Variants in CSGALNACT1 observed in about 807,000 individuals in gnomAD.
The protein encoded by CSGALNACT1 is chondroitin sulfate N-acetylgalactosaminyltransferase 1, also known as beta4GalNAcT-1.
Under a neutral mutation model 51.0 loss-of-function variants are expected in CSGALNACT1, and 52 were observed. The observed-to-expected ratio is 1.02, with a 90% CI of 0.82 to 1.29. The LOEUF is 1.29. Ranked by LOEUF, CSGALNACT1 falls within the 50% of genes most tolerant of loss-of-function variation. The pLI, the probability that CSGALNACT1 is intolerant of heterozygous loss-of-function variation, is 0.00. For synonymous variants in CSGALNACT1, 341 were observed against 254.4 expected (o/e 1.34, Z -3.24); for missense variants, 935 against 679.2 (o/e 1.38, Z -4.19).
chr8:19,737,797 G>A (rs1174311476), intron 1 of CSGALNACT1, among the ~76,000 whole-genome samples: 1 of 152,036 alleles, frequency 6.6e-6, no homozygotes, highest in African/African-American at 2.4e-5. Flanking sequence ...CAAAATAAAA[G>A]GATACACAAA....
intron 1 of CSGALNACT1, among the ~76,000 whole-genome samples, chr8:19,614,973 G>A (rs868518313): frequency 1.3e-5 from 2 of 152,192 alleles, no homozygotes; most frequent in South Asian, 2.1e-4. Context: ...AACAAGTGTT[G>A]AAGTATCCAA....
chr8:19,584,189 G>T (rs78648402), intron 3 of CSGALNACT1, among the ~76,000 whole-genome samples: 1 of 152,188 alleles, frequency 6.6e-6, no homozygotes, highest in Non-Finnish European at 1.5e-5. Flanking sequence ...TCTGCAGAAC[G>T]TAATAGTCTA....
chr8:19,559,298 C>T (rs1002708944), intron 3 of CSGALNACT1, among the ~76,000 whole-genome samples: 1 of 152,122 alleles, frequency 6.6e-6, no homozygotes, highest in Non-Finnish European at 1.5e-5. Flanking sequence ...TGATTTAAAA[C>T]TCTTAGAGAA....
intron 4 of CSGALNACT1, among the ~76,000 whole-genome samples, chr8:19,482,643 T>C (rs1382450560): frequency 6.6e-6 from 1 of 152,176 alleles, no homozygotes; most frequent in Non-Finnish European, 1.5e-5. Context: ...ATAATTTCCA[T>C]CACGGGTGCC....
rs919725742 is a variant in CSGALNACT1 at position 19,423,102 on chromosome 8, G to A, written c.954-2584C>T. On this transcript the variant is annotated intron_variant, in intron 6 of 9. Coordinates refer to ENST00000454498, the Ensembl canonical transcript of CSGALNACT1. ...GGTACCTTCTCCAGGAGGGTTTCTA[G>A]GATCTACTACAGGAGAGTTCAACTA... is the stretch of plus-strand genomic sequence containing the variant. Among the ~76,000 whole-genome samples the A allele has an allele frequency of 5.9e-5, 9 of 152,248 alleles. No individual in the cohort carries two copies. In the South Asian group the frequency reaches 1.0e-3, roughly 18 times the overall value.
intron 4 of CSGALNACT1, among the ~76,000 whole-genome samples, chr8:19,467,197 G>A (rs945284936): frequency 7.3e-6 from 1 of 136,114 alleles, no homozygotes; most frequent in Admixed American, 8.5e-5. Context: ...TCGGCTCACT[G>A]CAAGCTCTGA....
chr8:19,508,995 G>C (rs551352288), intron 3 of CSGALNACT1, among the ~76,000 whole-genome samples: 1 of 152,114 alleles, frequency 6.6e-6, no homozygotes, highest in Non-Finnish European at 1.5e-5. Flanking sequence ...AAGAAAAAGT[G>C]GAAAAGACAG....
chr8:19,725,981 G>A (rs2063379501), intron 1 of CSGALNACT1, among the ~76,000 whole-genome samples: 1 of 152,058 alleles, frequency 6.6e-6, no homozygotes, highest in Non-Finnish European at 1.5e-5. Flanking sequence ...ACAATGACAT[G>A]GAGCCACAAT....
At chr8:19,522,487 A>T (rs148546612) in intron 3 of CSGALNACT1, among the ~76,000 whole-genome samples, 138 of 152,354 alleles carry the variant, frequency 9.1e-4, no homozygotes, top group African/African-American at 3.1e-3. Context: ...TACAGATTCC[A>T]TTAGGGATCC....
At chr8:19,631,062 A>T (rs1023553265) in intron 1 of CSGALNACT1, among the ~76,000 whole-genome samples, 3 of 152,188 alleles carry the variant, frequency 2.0e-5, no homozygotes, top group African/African-American at 2.4e-5. Context: ...GTAACAGACC[A>T]TTTGTATGAC....
chr8:19,557,518 T>C (rs1366452559), intron 3 of CSGALNACT1, among the ~76,000 whole-genome samples: 1 of 152,186 alleles, frequency 6.6e-6, no homozygotes, highest in African/African-American at 2.4e-5. Flanking sequence ...CTTCCCCTGC[T>C]GCCTTGTTAG....
At chr8:19,610,021 C>T (rs532095330) in intron 1 of CSGALNACT1, among the ~76,000 whole-genome samples, 1 of 151,928 alleles carries the variant, frequency 6.6e-6, no homozygotes, top group South Asian at 2.1e-4. Context: ...GAGTTCAAGA[C>T]GATCAGCCTG....
At chr8:19,451,999 T>C (rs2063266392) in intron 5 of CSGALNACT1, among the ~76,000 whole-genome samples, 1 of 152,228 alleles carries the variant, frequency 6.6e-6, no homozygotes, top group African/African-American at 2.4e-5. Flanking sequence ...TTTAAATACA[T>C]TAATCTGAAA....
intron 3 of CSGALNACT1, among the ~76,000 whole-genome samples, chr8:19,547,046 C>G (rs1451737103): frequency 6.6e-6 from 1 of 152,188 alleles, no homozygotes; most frequent in Non-Finnish European, 1.5e-5. Context: ...CAGTGTCTCA[C>G]AGTAGACTCT....
At chr8:19,667,004 A>AAGG (rs1564385997) in intron 1 of CSGALNACT1, among the ~76,000 whole-genome samples, 36 of 25,078 alleles carry the variant, frequency 1.4e-3, no homozygotes, top group African/African-American at 2.1e-3. Context: ...AGAAAGAAAG[A>AAGG]AAGAAAGAAA....
chr8:19,484,733 G>C (rs1019855339), intron 4 of CSGALNACT1, among the ~76,000 whole-genome samples: 2 of 152,174 alleles, frequency 1.3e-5, no homozygotes, highest in Admixed American at 1.3e-4. Flanking sequence ...GAATGTTATT[G>C]TGTTTGGAGA....
At chr8:19,689,744 A>G (rs1464121009) in intron 1 of CSGALNACT1, among the ~76,000 whole-genome samples, 1 of 152,222 alleles carries the variant, frequency 6.6e-6, no homozygotes, top group Non-Finnish European at 1.5e-5. Flanking sequence ...AAACTAAGCT[A>G]TTTATCTGAC....
intron 1 of CSGALNACT1, among the ~76,000 whole-genome samples, chr8:19,741,601 C>A (rs554262847): frequency 6.7e-6 from 1 of 149,248 alleles, no homozygotes. Flanking sequence ...CCAAAAGAGT[C>A]GGGGAGCTGA....
upstream of CSGALNACT1, among the ~76,000 whole-genome samples, chr8:19,606,343 T>A (rs569819965): frequency 6.6e-6 from 1 of 152,310 alleles, no homozygotes; most frequent in African/African-American, 2.4e-5. Context: ...CACTGGAGGA[T>A]AGAGCAGGGA....
Sources: gnomAD v4.1 joint callset for allele counts (sites outside exome capture counted in the v4.1 genomes callset) on GRCh38, gnomAD v4.1.1 for gene constraint, MANE v1.5 for transcripts, NCBI Gene and HGNC (gene_info 2026-07-23, HGNC 2026-07-21) for gene names.